Variants in RAD51B observed in about 807,000 individuals in gnomAD.
RAD51B encodes the protein DNA repair protein RAD51 homolog 2.
A neutral mutation model predicts 42.2 loss-of-function variants in RAD51B; 38 were observed. That is an observed-to-expected ratio of 0.90 (90% CI 0.70 to 1.18). The LOEUF (loss-of-function observed/expected upper bound fraction) is 1.18. Among genes scored for constraint, RAD51B ranks in the 50% most tolerant of loss-of-function variants. The probability of loss-of-function intolerance (pLI) is 0.00; values close to 1 mark genes in which losing one functional copy is unlikely to be tolerated. For synonymous variants in RAD51B, 154 were observed against 145.2 expected (o/e 1.06, Z -0.43); for missense variants, 373 against 400.7 (o/e 0.93, Z 0.59).
intron 7 of RAD51B, among the ~76,000 whole-genome samples, chr14:68,161,510 T>C (rs1163086644): frequency 6.6e-6 from 1 of 152,160 alleles, no homozygotes; most frequent in Non-Finnish European, 1.5e-5. Flanking sequence ...GGTTCATGTG[T>C]TCAACCCTGG....
intron 7 of RAD51B, among the ~76,000 whole-genome samples, chr14:68,007,740 T>A (rs1361212616): frequency 2.6e-5 from 4 of 151,986 alleles, no homozygotes; most frequent in Admixed American, 2.6e-4. Context: ...TAAGAGTTCT[T>A]TATAGAGATA....
chr14:68,496,809 A>T (rs577535576), intron 10 of RAD51B, among the ~76,000 whole-genome samples: 1 of 152,364 alleles, frequency 6.6e-6, no homozygotes, highest in African/African-American at 2.4e-5. Flanking sequence ...TCAAGGGTTC[A>T]GGTGCATGAG....
chr14:68,090,562 T>C (rs2077074934), intron 7 of RAD51B, among the ~76,000 whole-genome samples: 1 of 152,094 alleles, frequency 6.6e-6, no homozygotes, highest in African/African-American at 2.4e-5. Context: ...TGCAAATGTG[T>C]GATGTTATTT....
rs746857294 is a variant in RAD51B, at chr14:68,086,459, G to T, written c.756+199255G>T. ...AATACAACATTTGGGCACCAAGGCA[G>T]AAGTGCCTATACTCACCTAGGCCTG... On this transcript the variant is annotated intron_variant, in intron 7 of 10. Coordinates refer to ENST00000471583, the MANE Select transcript of RAD51B (RefSeq NM_133510.4). Among the ~76,000 whole-genome samples, 105 of 152,294 alleles carry T rather than the reference G, an allele frequency of 6.9e-4. 1 individual carries two copies. The highest frequency in any genetic ancestry group is 2.5e-3 in the African/African-American group (105 of 41,570).
At chr14:68,465,473 C>T (rs1387031863) in intron 9 of RAD51B, among the ~76,000 whole-genome samples, 3 of 152,208 alleles carry the variant, frequency 2.0e-5, no homozygotes, top group Non-Finnish European at 4.4e-5. Flanking sequence ...ACAGCATCAT[C>T]GTCTCTTGGG....
At chr14:67,893,562 T>C (rs188976952) in intron 7 of RAD51B, among the ~76,000 whole-genome samples, 1 of 150,580 alleles carries the variant, frequency 6.6e-6, no homozygotes, top group East Asian at 2.0e-4. Flanking sequence ...TCACAGCTAC[T>C]TGGGAGGCTG....
intron 7 of RAD51B, among the ~76,000 whole-genome samples, chr14:67,992,670 T>C (rs2075314508): frequency 6.6e-6 from 1 of 152,200 alleles, no homozygotes; most frequent in Non-Finnish European, 1.5e-5. Context: ...GCCTGTTACT[T>C]TTCCAAGAAG....
At chr14:68,490,069 G>A (rs1244458651) in intron 10 of RAD51B, among the ~76,000 whole-genome samples, 2 of 152,310 alleles carry the variant, frequency 1.3e-5, no homozygotes, top group Non-Finnish European at 2.9e-5. Flanking sequence ...TTTTAAACTT[G>A]TAAGATCCAA....
chr14:68,237,770 TCTGTCACCAGG>T (rs1312248339), intron 7 of RAD51B, among the ~76,000 whole-genome samples: 2 of 138,424 alleles, frequency 1.4e-5, no homozygotes, highest in Non-Finnish European at 3.0e-5. Context: ...GGAGTCTTGC[TCTGTCACCAGG>T]CTGGAGTGCA....
chr14:68,629,592 G>A (rs913372574), intron 10 of RAD51B, among the ~76,000 whole-genome samples: 25 of 152,116 alleles, frequency 1.6e-4, no homozygotes, highest in African/African-American at 6.0e-4. Context: ...TTCCATCCAG[G>A]GCAGGTGAAG....
At chr14:68,093,170 T>C (rs578198558) in intron 7 of RAD51B, among the ~76,000 whole-genome samples, 9 of 151,526 alleles carry the variant, frequency 5.9e-5, no homozygotes, top group African/African-American at 1.9e-4. Context: ...TCTTTTTTTG[T>C]TGTGTCTCTG....
chr14:68,236,088 G>A (rs2080250861), intron 7 of RAD51B, among the ~76,000 whole-genome samples: 1 of 152,056 alleles, frequency 6.6e-6, no homozygotes, highest in Non-Finnish European at 1.5e-5. Flanking sequence ...GGTGATGATA[G>A]AAAAACTTCC....
intron 10 of RAD51B, among the ~76,000 whole-genome samples, chr14:68,532,485 G>A (rs1887373112): frequency 6.6e-6 from 1 of 152,152 alleles, no homozygotes; most frequent in Admixed American, 6.5e-5. Context: ...AGTAGAGGAA[G>A]TTAATGATTT....
chr14:68,446,679 T>G (rs780229692), intron 9 of RAD51B, among the ~76,000 whole-genome samples: 1 of 152,054 alleles, frequency 6.6e-6, no homozygotes, highest in Non-Finnish European at 1.5e-5. Flanking sequence ...ATGAAGGAAC[T>G]CACCTCAGAA....
intron 7 of RAD51B, among the ~76,000 whole-genome samples, chr14:68,278,458 C>T (rs997642205): frequency 6.6e-6 from 1 of 152,182 alleles, no homozygotes; most frequent in African/African-American, 2.4e-5. Context: ...GTAACTAAGG[C>T]ACTGAACATG....
chr14:67,825,799 G>A (rs373953551), intron 3 of RAD51B, among the ~76,000 whole-genome samples: 4 of 152,082 alleles, frequency 2.6e-5, no homozygotes, highest in African/African-American at 9.6e-5. Flanking sequence ...GCACGATCTC[G>A]GCTCACTGTA....
chr14:67,870,381 G>C (rs2042483977), intron 5 of RAD51B, among the ~76,000 whole-genome samples: 1 of 150,334 alleles, frequency 6.7e-6, no homozygotes, highest in Non-Finnish European at 1.5e-5. Context: ...AACAAGAAGA[G>C]CTAACTATCC....
At chr14:68,430,200 C>A (rs1315335986) in intron 9 of RAD51B, among the ~76,000 whole-genome samples, 1 of 152,100 alleles carries the variant, frequency 6.6e-6, no homozygotes, top group Non-Finnish European at 1.5e-5. Flanking sequence ...CAGCTGTGTT[C>A]TTTTGGCTTA....
chr14:68,314,049 G>T (rs1436987818), intron 8 of RAD51B, among the ~76,000 whole-genome samples: 1 of 152,154 alleles, frequency 6.6e-6, no homozygotes, highest in Non-Finnish European at 1.5e-5. Flanking sequence ...AGAATTCTAT[G>T]TGCATTACCC....
Sources: allele counts gnomAD v4.1 joint callset (sites outside exome capture counted in the v4.1 genomes callset), GRCh38; gene constraint gnomAD v4.1.1; transcripts MANE v1.5; gene names NCBI Gene and HGNC (gene_info 2026-07-23, HGNC 2026-07-21).